Variants in VAPB observed in about 807,000 individuals in gnomAD.
VAPB encodes VAMP associated protein B and C, also known as vesicle-associated membrane protein-associated protein B/C.
Under a neutral mutation model 25.6 loss-of-function variants are expected in VAPB, and 7 were observed. The ratio of observed to expected loss-of-function variants is 0.27; its 90% CI spans 0.16 to 0.51. The LOEUF (loss-of-function observed/expected upper bound fraction) is 0.51. Among genes scored for constraint, VAPB ranks in the 20% least tolerant of loss-of-function variants. The probability of loss-of-function intolerance (pLI) is 0.97; values close to 1 mark genes in which losing one functional copy is unlikely to be tolerated. For missense variants in VAPB, 266 were observed against 301.3 expected, an observed-to-expected ratio of 0.88 and a Z score of 0.87; for synonymous variants, 112 against 109.2, an observed-to-expected ratio of 1.03 and a Z score of -0.16.
At chr20:58,414,566 G>A (rs1988484967) in intron 1 of VAPB, among the ~76,000 whole-genome samples, 2 of 150,394 alleles carry the variant, frequency 1.3e-5, no homozygotes, top group South Asian at 2.1e-4. Flanking sequence ...CCGGGCAGAG[G>A]CGCTCCTCAC....
Position 58,444,170 on chromosome 20 carries a change from C to A in VAPB, c.667C>A (p.Arg223=), listed in dbSNP as rs144718603. The A allele has an allele frequency of 6.2e-7, 1 of 1,614,158 alleles. No individual in the cohort carries two copies. Among genetic ancestry groups the A allele is most frequent in the South Asian group, 1.1e-5 (1 of 91,082 alleles). ...TGGGAAGGAAGAAGGCCTTAGCACC[C>A]GGCTCTTGGCTCTGGTGGTTTTGTT... ...PTGKEEGLST[R]LLALVVLFFI... The change falls in exon 6 of 6, where the codon CGG becomes AGG. Residue 223 remains arginine, a synonymous_variant. Coordinates refer to ENST00000475243, the MANE Select transcript of VAPB (RefSeq NM_004738.5).
chr20:58,421,726 G>A (rs1988673811), intron 2 of VAPB, among the ~76,000 whole-genome samples: 1 of 152,140 alleles, frequency 6.6e-6, no homozygotes, highest in Non-Finnish European at 1.5e-5. Context: ...AGGGAAGCAG[G>A]AAGGTGGGAA....
chr20:58,415,169 T>C (rs898786627), intron 1 of VAPB, among the ~76,000 whole-genome samples: 34 of 152,246 alleles, frequency 2.2e-4, no homozygotes, highest in Admixed American at 2.2e-3. Flanking sequence ...TTACCTCTTA[T>C]TGCCTTAAAC....
In VAPB at chr20:58,449,698, T is replaced by G. The variant is rs537295610; in HGVS notation, c.*5463T>G. The G allele has an allele frequency of 3.5e-5, 16 of 454,004 alleles. No homozygotes were observed. Among genetic ancestry groups the G allele is most frequent in the Non-Finnish European group, 5.7e-5 (13 of 226,802 alleles). The allele number at this position is 454,004 out of a possible 1,614,324, so 28.1% of individuals were successfully genotyped here. ...TGTTTATTTTTAAACCAGGAAACAT[T>G]GATCCTGTAACAATGCCCGATTACA... On this transcript the variant is annotated 3_prime_UTR_variant, in exon 6 of 6. Transcript: ENST00000475243.
At chr20:58,419,508 A>G (rs1384389668) in intron 2 of VAPB, among the ~76,000 whole-genome samples, 1 of 152,146 alleles carries the variant, frequency 6.6e-6, no homozygotes, top group Non-Finnish European at 1.5e-5. Context: ...GTACTATCTC[A>G]TGTCATTTCT....
At chr20:58,401,437 G>C (rs771818162) in intron 1 of VAPB, among the ~76,000 whole-genome samples, 4 of 151,940 alleles carry the variant, frequency 2.6e-5, no homozygotes, top group Non-Finnish European at 5.9e-5. Flanking sequence ...TCACTGCCCG[G>C]GAGCTCAATC....
intron 1 of VAPB, among the ~76,000 whole-genome samples, chr20:58,403,086 C>T: frequency 6.6e-6 from 1 of 152,158 alleles, no homozygotes; most frequent in Admixed American, 6.5e-5. Flanking sequence ...AGCCTGTCGG[C>T]AGGGCCCGTT....
chr20:58,415,125 CAG>C (rs935448110), intron 1 of VAPB, among the ~76,000 whole-genome samples: 71 of 152,378 alleles, frequency 4.7e-4, no homozygotes, highest in African/African-American at 1.7e-3. Flanking sequence ...CCTTGTAAAA[CAG>C]ATCAATTCTA....
At chr20:58,421,614 T>C (rs1456451760) in intron 2 of VAPB, among the ~76,000 whole-genome samples, 1 of 152,158 alleles carries the variant, frequency 6.6e-6, no homozygotes, top group Admixed American at 6.5e-5. Flanking sequence ...AGTGCATTTT[T>C]CCCATTTCTG....
rs988312842 is a variant in VAPB at position 58,447,631 on chromosome 20, A to G, written c.*3396A>G. 22 of 450,534 alleles carry G rather than the reference A, an allele frequency of 4.9e-5. No individual in the cohort carries two copies. The highest frequency in any genetic ancestry group is 9.7e-5 in the Non-Finnish European group (22 of 226,172). 27.9% of individuals were successfully genotyped at this position (450,534 alleles called of 1,614,324 possible). ...AGCTCAGAGCTACAGAGCCTTTCAGATGAATTTGAAAACAGACTCTGTGTG... is the reference window on the plus strand; with the variant it reads ...AGCTCAGAGCTACAGAGCCTTTCAGGTGAATTTGAAAACAGACTCTGTGTG... On this transcript the variant is annotated 3_prime_UTR_variant, in exon 6 of 6. Transcript: ENST00000475243.
intron 1 of VAPB, among the ~76,000 whole-genome samples, chr20:58,403,466 G>T (rs931226221): frequency 4.6e-5 from 7 of 152,180 alleles, no homozygotes; most frequent in African/African-American, 1.7e-4. Flanking sequence ...GGGAAGCGGT[G>T]AATCTCAGTT....
rs117278522 is a variant in VAPB, at chr20:58,436,706, A to G, written c.315+2001A>G. On this transcript the variant is annotated intron_variant, in intron 3 of 5. Transcript: ENST00000475243. ...AAAAAATAGCATGGTGACCACTCAT[A>G]TAACTTTTACCTAGATTTACATTTG... Among the ~76,000 whole-genome samples the G allele has an allele frequency of 1.6e-4, 24 of 152,312 alleles. No homozygotes were observed. In the East Asian group the frequency reaches 4.6e-3, roughly 29 times the overall value.
chr20:58,396,304 A>G (rs1987957669), intron 1 of VAPB, among the ~76,000 whole-genome samples: 2 of 152,110 alleles, frequency 1.3e-5, no homozygotes, highest in Non-Finnish European at 2.9e-5. Context: ...CGTGTTGTGT[A>G]GGGCACATTG....
At chr20:58,409,902 TATACACACAC>T (rs919757782) in intron 1 of VAPB, among the ~76,000 whole-genome samples, 3 of 120,200 alleles carry the variant, frequency 2.5e-5, no homozygotes, top group African/African-American at 9.3e-5. Context: ...TCTTTATTCA[TATACACACAC>T]ACACACACAC....
chr20:58,419,789 T>C (rs959861231), intron 2 of VAPB, among the ~76,000 whole-genome samples: 4 of 151,964 alleles, frequency 2.6e-5, no homozygotes, highest in Admixed American at 6.6e-5. Flanking sequence ...CTATCTACTT[T>C]CCCCCCCTCG....
intron 1 of VAPB, among the ~76,000 whole-genome samples, chr20:58,409,688 T>A (rs979172743): frequency 6.6e-6 from 1 of 152,214 alleles, no homozygotes; most frequent in Non-Finnish European, 1.5e-5. Flanking sequence ...CTAATAACTT[T>A]AAACTTGTAT....
At chr20:58,398,812 G>T (rs1988025149) in intron 1 of VAPB, among the ~76,000 whole-genome samples, 1 of 151,714 alleles carries the variant, frequency 6.6e-6, no homozygotes, top group Non-Finnish European at 1.5e-5. Context: ...CTGAGGGTTG[G>T]AGCTGGGATT....
At chr20:58,434,558 A>G (rs1988996355) in intron 2 of VAPB, 44 bp from the exon 3 acceptor site, 5 of 986,472 alleles carry the variant, frequency 5.1e-6, no homozygotes, top group Middle Eastern at 4.1e-4. Flanking sequence ...AATGGCACTG[A>G]CAACCAAGCT....
chr20:58,401,126 C>T (rs1170424310), intron 1 of VAPB, among the ~76,000 whole-genome samples: 2 of 152,198 alleles, frequency 1.3e-5, no homozygotes, highest in Non-Finnish European at 2.9e-5. Flanking sequence ...TTGGTCGGCT[C>T]ATTTGTATCT....
Sources: allele counts gnomAD v4.1 joint callset (sites outside exome capture counted in the v4.1 genomes callset), GRCh38; gene constraint gnomAD v4.1.1; transcripts MANE v1.5; gene names NCBI Gene and HGNC (gene_info 2026-07-23, HGNC 2026-07-21).